The following FAM117B variants were observed in gnomAD, a reference collection of about 807,000 sequenced individuals.
The protein encoded by FAM117B is family with sequence similarity 117 member B, also known as protein FAM117B.
Under a neutral mutation model 52.8 loss-of-function variants are expected in FAM117B, and 22 were observed. The ratio of observed to expected loss-of-function variants is 0.42; its 90% CI spans 0.30 to 0.59. FAM117B has a LOEUF of 0.59. FAM117B is among the 20% of genes least tolerant of loss of function. The pLI is 0.22. For synonymous variants in FAM117B, 309 were observed against 324.1 expected (o/e 0.95, Z 0.50); for missense variants, 678 against 802.6 (o/e 0.84, Z 1.88).
At chr2:202,746,689 A>G (rs906309054) in intron 4 of FAM117B, among the ~76,000 whole-genome samples, 5 of 152,308 alleles carry the variant, frequency 3.3e-5, no homozygotes, top group Admixed American at 2.6e-4. Context: ...CCAAGATTGA[A>G]CCAGGAAATA....
At chr2:202,644,414 A>G (rs1689831101) in intron 1 of FAM117B, among the ~76,000 whole-genome samples, 1 of 152,030 alleles carries the variant, frequency 6.6e-6, no homozygotes, top group Non-Finnish European at 1.5e-5. Context: ...CATAGCAGAG[A>G]GTTACTTTTG....
At chr2:202,665,995 C>G (rs1690200137) in intron 1 of FAM117B, among the ~76,000 whole-genome samples, 1 of 152,194 alleles carries the variant, frequency 6.6e-6, no homozygotes, top group Non-Finnish European at 1.5e-5. Flanking sequence ...CTGGTAGTGA[C>G]TTATTGATAT....
chr2:202,718,812 G>A (rs914250851), intron 2 of FAM117B, among the ~76,000 whole-genome samples: 5 of 152,148 alleles, frequency 3.3e-5, no homozygotes, highest in South Asian at 4.1e-4. Context: ...TACTCTGGTA[G>A]TATCTCCTCA....
chr2:202,726,723 T>C (rs1691251106), intron 4 of FAM117B, among the ~76,000 whole-genome samples: 1 of 152,078 alleles, frequency 6.6e-6, no homozygotes, highest in Admixed American at 6.6e-5. Flanking sequence ...AGTTTCCTCA[T>C]GTGAAGATGG....
chr2:202,637,768 A>T (rs1287729780), intron 1 of FAM117B, among the ~76,000 whole-genome samples: 1 of 152,164 alleles, frequency 6.6e-6, no homozygotes, highest in Admixed American at 6.6e-5. Flanking sequence ...GTTGTACTCC[A>T]AAGACCATGT....
chr2:202,668,529 A>C (rs982803657), intron 1 of FAM117B, among the ~76,000 whole-genome samples: 2 of 141,792 alleles, frequency 1.4e-5, no homozygotes, highest in Non-Finnish European at 3.1e-5. Flanking sequence ...CTCTCTCTCA[A>C]AAAAAAAAAA....
intron 1 of FAM117B, among the ~76,000 whole-genome samples, chr2:202,688,013 T>G (rs1226947541): frequency 2.0e-5 from 3 of 152,202 alleles, no homozygotes; most frequent in Non-Finnish European, 4.4e-5. Context: ...GGAAATTCAT[T>G]TTTTCCTAAA....
At chr2:202,640,998 T>C (rs1008802162) in intron 1 of FAM117B, among the ~76,000 whole-genome samples, 4 of 152,250 alleles carry the variant, frequency 2.6e-5, no homozygotes, top group Admixed American at 1.3e-4. Flanking sequence ...TCTTGGCTAG[T>C]AGAATTTACA....
At position 202,635,292 on chromosome 2, in the gene FAM117B, G is replaced by C; in HGVS notation, c.105G>C (p.Met35Ile). The C allele has an allele frequency of 7.1e-7, 1 of 1,418,096 alleles. No individual in the cohort carries two copies. Among genetic ancestry groups the C allele is most frequent in the East Asian group, 3.0e-5 (1 of 33,178 alleles). 87.8% of individuals were successfully genotyped at this position (1,418,096 alleles called of 1,614,324 possible). The change falls in exon 1 of 8, where the codon ATG becomes ATC. Residue 35 changes from methionine (M) to isoleucine (I), a missense_variant. Physicochemically the swap from Met to Ile is conservative, Grantham distance 10. Transcript: ENST00000392238. Reference protein sequence around the residue: ...AGGPGSRLQPMRATVPFQLKQ... With the variant: ...AGGPGSRLQPIRATVPFQLKQ... ...GACCCGGGAGCCGCTTGCAGCCCAT[G>C]AGGGCGACGGTTCCGTTCCAGCTGA... is the stretch of plus-strand genomic sequence containing the variant.
Position 202,752,703 on chromosome 2 carries a change from T to A in FAM117B, c.961-2835T>A, listed in dbSNP as rs1326620787. Among the ~76,000 whole-genome samples the A allele has an allele frequency of 2.0e-5, 3 of 152,194 alleles. No homozygotes were observed. In the East Asian group the frequency reaches 5.8e-4, roughly 29 times the overall value. On this transcript the variant is annotated intron_variant, in intron 4 of 7. Transcript: ENST00000392238. Reference sequence around the variant, plus strand: ...AGACAGCAGAAGAATCTGCAAGATGTTTATCTGGCACACTGATGTTACTAG... The same window carrying A: ...AGACAGCAGAAGAATCTGCAAGATGATTATCTGGCACACTGATGTTACTAG...
At chr2:202,763,165 G>T (rs917577863) in intron 7 of FAM117B, among the ~76,000 whole-genome samples, 2 of 149,812 alleles carry the variant, frequency 1.3e-5, no homozygotes, top group African/African-American at 2.5e-5. Context: ...TCCACCTCCC[G>T]GGTTCGCGCC....
rs146140249 is a variant in FAM117B at position 202,678,472 on chromosome 2, C to T, written c.602-17409C>T. 2.4e-3 allele frequency among the ~76,000 whole-genome samples: 368 copies of T among 152,296 alleles called. 2 individuals carry two copies. The highest frequency in any genetic ancestry group is 8.3e-3 in the African/African-American group (347 of 41,558). On this transcript the variant is annotated intron_variant, in intron 1 of 7. Transcript: ENST00000392238. The stretch of plus-strand genomic sequence containing the variant: ...GCAGGGTGCTATGATGTTCTACATA[C>T]ATGGGGATATGTGGGGACAGCCATG...
chr2:202,723,340 A>AT (rs1363955099), intron 2 of FAM117B, among the ~76,000 whole-genome samples: 2 of 152,158 alleles, frequency 1.3e-5, no homozygotes, highest in Non-Finnish European at 2.9e-5. Flanking sequence ...ATTTTTTGGT[A>AT]TTTTTTATTA....
chr2:202,730,577 C>T (rs768430701), intron 4 of FAM117B, among the ~76,000 whole-genome samples: 6 of 151,846 alleles, frequency 4.0e-5, no homozygotes, highest in African/African-American at 7.3e-5. Flanking sequence ...GGCTGAGGCA[C>T]GAGAATAGCT....
chr2:202,635,307 G>A lies in FAM117B; in HGVS notation c.120G>A (p.Pro40=). The A allele has an allele frequency of 3.5e-6, 5 of 1,423,532 alleles. No homozygotes were observed. Among genetic ancestry groups the A allele is most frequent in the Non-Finnish European group, 3.7e-6 (4 of 1,087,402 alleles). The allele number at this position is 1,423,532 out of a possible 1,614,324, so 88.2% of individuals were successfully genotyped here. ...TGCAGCCCATGAGGGCGACGGTTCC[G>A]TTCCAGCTGAAGCAGCAGCAGCAGC... ...SRLQPMRATV[P]FQLKQQQQQQ... is the part of the protein sequence containing the mutation. Residue 40 remains proline (P), a synonymous_variant, in exon 1 of 8, where the codon CCG becomes CCA. Transcript: ENST00000392238.
rs1440776641 is a variant in FAM117B, at chr2:202,765,664, C to G, written c.1670C>G (p.Thr557Arg). 6.2e-7 allele frequency: 1 copy of G among 1,614,180 alleles called. No individual in the cohort carries two copies. Among genetic ancestry groups the G allele is most frequent in the Non-Finnish European group, 8.5e-7 (1 of 1,180,040 alleles). Residue 557 changes from threonine to arginine, a missense_variant, in exon 8 of 8, where the codon ACA (threonine) becomes AGA (arginine). This residue lies in a region of FAM117B where 68 missense variants were observed against 80.6 expected (regional missense o/e 0.84). Transcript: ENST00000392238. ...CCTATTGCTGTGGCCTCCCTGTCTACAAACACAGAGCAAGACCGAGTCTCT... is the reference window on the plus strand; with the variant it reads ...CCTATTGCTGTGGCCTCCCTGTCTAGAAACACAGAGCAAGACCGAGTCTCT... ...LQPIAVASLS[T>R]NTEQDRVSRG...
chr2:202,669,118 CAG>C (rs997692974), intron 1 of FAM117B, among the ~76,000 whole-genome samples: 14 of 152,208 alleles, frequency 9.2e-5, no homozygotes, highest in Admixed American at 7.9e-4. Flanking sequence ...AATCAATAGA[CAG>C]AGTGATCTGG....
chr2:202,635,495 C>T lies in FAM117B; in HGVS notation c.308C>T (p.Ala103Val). The change falls in exon 1 of 8, where the codon GCG becomes GTG. Residue 103 changes from alanine (A) to valine (V), a missense_variant. Physicochemically the swap from Ala to Val is moderately conservative, Grantham distance 64. This residue lies in a region of FAM117B where 583 missense variants were observed against 644.8 expected (regional missense o/e 0.90). Coordinates refer to ENST00000392238, the MANE Select transcript of FAM117B (RefSeq NM_173511.4). ...ACGCGCGGCGGCGGGAACGCGGCCG[C>T]GCGCACCAGCCCCACGGTGGCCACG... ...SPTRGGGNAAARTSPTVATQT... is the reference protein window; with the variant it reads ...SPTRGGGNAAVRTSPTVATQT... 1 of 1,045,190 alleles carries T rather than the reference C, an allele frequency of 9.6e-7. No individual in the cohort carries two copies. Among genetic ancestry groups the T allele is most frequent in the Non-Finnish European group, 1.1e-6 (1 of 871,512 alleles). 64.7% of individuals were successfully genotyped at this position (1,045,190 alleles called of 1,614,324 possible).
chr2:202,714,533 C>CTTTTTTTTTTTTTTT (rs1034689626), intron 2 of FAM117B, among the ~76,000 whole-genome samples: 7 of 117,656 alleles, frequency 5.9e-5, no homozygotes, highest in Non-Finnish European at 1.2e-4. Context: ...TTTTTTTTTT[C>CTTTTTTTTTTTTTTT]TTTTTTTTTT....
Sources: allele counts gnomAD v4.1 joint callset (sites outside exome capture counted in the v4.1 genomes callset), GRCh38; gene constraint gnomAD v4.1.1; regional missense constraint gnomAD v4.1.1; transcripts MANE v1.5; gene names NCBI Gene and HGNC (gene_info 2026-07-23, HGNC 2026-07-21).